Variants in CDYL observed in about 807,000 individuals in gnomAD.
CDYL encodes chromodomain Y like.
A neutral mutation model predicts 47.3 loss-of-function variants in CDYL; 8 were observed. That is an observed-to-expected ratio of 0.17 (90% CI 0.10 to 0.31). The LOEUF (loss-of-function observed/expected upper bound fraction) is 0.31, where lower values mean the gene tolerates loss of function less well. Ranked by LOEUF, CDYL falls within the 10% of genes least tolerant of loss-of-function variation. CDYL has a pLI of 1.00. For synonymous variants in CDYL, 266 were observed against 265.0 expected, an observed-to-expected ratio of 1.00 and a Z score of -0.04; for missense variants, 471 against 701.4, an observed-to-expected ratio of 0.67 and a Z score of 3.71.
chr6:4,915,536 T>C (rs181232645), intron 2 of CDYL, among the ~76,000 whole-genome samples: 17 of 152,272 alleles, frequency 1.1e-4, no homozygotes, highest in African/African-American at 3.8e-4. Context: ...CTTTGGAGTT[T>C]AGACACAACT....
chr6:4,739,711 T>C (rs1757763136), intron 3 of CDYL, among the ~76,000 whole-genome samples: 2 of 151,788 alleles, frequency 1.3e-5, no homozygotes, highest in South Asian at 4.2e-4. Context: ...CCCAGAACTT[T>C]GGGAGGTGAG....
chr6:4,742,983 T>C (rs1381860975), intron 3 of CDYL, among the ~76,000 whole-genome samples: 1 of 152,206 alleles, frequency 6.6e-6, no homozygotes, highest in Non-Finnish European at 1.5e-5. Context: ...CCAATCTCTT[T>C]GCTTCCAGTC....
intron 2 of CDYL, among the ~76,000 whole-genome samples, chr6:4,926,066 G>A (rs1434977502): frequency 2.6e-5 from 4 of 152,146 alleles, no homozygotes; most frequent in African/African-American, 9.7e-5. Flanking sequence ...ACTAGAATTA[G>A]ACTAGCCTTT....
At chr6:4,840,692 G>A (rs12196048) in intron 1 of CDYL, among the ~76,000 whole-genome samples, 15 of 152,034 alleles carry the variant, frequency 9.9e-5, no homozygotes, top group Non-Finnish European at 2.1e-4. Flanking sequence ...TTTATGTGAT[G>A]ACAACATTGA....
intron 1 of CDYL, among the ~76,000 whole-genome samples, chr6:4,831,461 A>C (rs1486478332): frequency 6.6e-6 from 1 of 152,196 alleles, no homozygotes; most frequent in Non-Finnish European, 1.5e-5. Context: ...TACCAGTACC[A>C]TGCTGTTTTG....
chr6:4,923,681 C>T (rs1757781476), intron 2 of CDYL, among the ~76,000 whole-genome samples: 1 of 152,098 alleles, frequency 6.6e-6, no homozygotes, highest in South Asian at 2.1e-4. Context: ...TTCCTACTGA[C>T]AGTGGATAAG....
intron 1 of CDYL, among the ~76,000 whole-genome samples, chr6:4,866,290 C>T (rs1484156583): frequency 6.6e-6 from 1 of 151,920 alleles, no homozygotes; most frequent in Admixed American, 6.6e-5. Flanking sequence ...AAGAGAAGAA[C>T]AGAAAATAAT....
At chr6:4,710,730 C>T (rs1301449707) in intron 1 of CDYL, among the ~76,000 whole-genome samples, 3 of 152,148 alleles carry the variant, frequency 2.0e-5, no homozygotes, top group Non-Finnish European at 2.9e-5. Context: ...GGATGTTTCC[C>T]TTCTCCCCTC....
intron 5 of CDYL, among the ~76,000 whole-genome samples, chr6:4,949,656 A>G (rs917761102): frequency 2.0e-5 from 3 of 152,178 alleles, no homozygotes; most frequent in South Asian, 2.1e-4. Flanking sequence ...TCAGGTTCCC[A>G]CCGCCTGCAT....
At chr6:4,793,267 G>A (rs1259752942) in intron 1 of CDYL, among the ~76,000 whole-genome samples, 3 of 152,198 alleles carry the variant, frequency 2.0e-5, no homozygotes, top group Non-Finnish European at 4.4e-5. Flanking sequence ...GGGCATGACC[G>A]CTCAGCCACT....
At chr6:4,722,413 T>TA (rs1376327813) in intron 2 of CDYL, among the ~76,000 whole-genome samples, 3 of 152,044 alleles carry the variant, frequency 2.0e-5, no homozygotes, top group Non-Finnish European at 2.9e-5. Context: ...AGAAAAAATT[T>TA]AAAAAAACAC....
At chr6:4,894,906 C>CACACACGTGTAT (rs1561692406) in intron 2 of CDYL, among the ~76,000 whole-genome samples, 1 of 137,286 alleles carries the variant, frequency 7.3e-6, no homozygotes, top group African/African-American at 2.9e-5. Flanking sequence ...TACACACGTA[C>CACACACGTGTAT]GTGTGTATAT....
chr6:4,732,652 G>C (rs1757625290), intron 2 of CDYL, among the ~76,000 whole-genome samples: 1 of 125,928 alleles, frequency 7.9e-6, no homozygotes, highest in African/African-American at 3.0e-5. Context: ...AACAGAGAGA[G>C]ATCCTGTTTT....
intron 3 of CDYL, among the ~76,000 whole-genome samples, chr6:4,745,835 G>A (rs1351698581): frequency 6.6e-6 from 1 of 152,196 alleles, no homozygotes; most frequent in Non-Finnish European, 1.5e-5. Flanking sequence ...AGCTTGCCAA[G>A]TGTGGGCAGA....
upstream of CDYL, among the ~76,000 whole-genome samples, chr6:4,774,344 A>G (rs9689911): frequency 0.22 from 33,477 of 152,168 alleles, 5,437 homozygotes; most frequent in African/African-American, 0.45. Flanking sequence ...AATGTATAAA[A>G]TCCTAGTCCT....
intron 1 of CDYL, among the ~76,000 whole-genome samples, chr6:4,887,418 GT>G (rs917706573): frequency 8.0e-5 from 12 of 150,932 alleles, no homozygotes; most frequent in Admixed American, 1.3e-4. Context: ...TTTTATTCCT[GT>G]TTTTTTTCTT....
intron 1 of CDYL, among the ~76,000 whole-genome samples, chr6:4,836,882 A>G (rs1760331122): frequency 6.6e-6 from 1 of 152,202 alleles, no homozygotes; most frequent in South Asian, 2.1e-4. Context: ...TTGGGGATAC[A>G]GAAGTTTGAT....
Position 4,891,932 on chromosome 6 carries a change from C to G in CDYL, c.244C>G (p.Gln82Glu), listed in dbSNP as rs1762054526. 6.2e-7 allele frequency: 1 copy of G among 1,614,156 alleles called. No individual in the cohort carries two copies. ...NRTSPNNARK[Q>E]ISRSTNSNFS... ...GACCTCTCCCAACAATGCTAGGAAA[C>G]AAATCTCCAGATCCACCAACAGCAA... The change falls in exon 2 of 7, where the codon CAA (glutamine) becomes GAA (glutamate). Residue 82 changes from glutamine to glutamate, a missense_variant. Physicochemically the swap from Gln to Glu is conservative, Grantham distance 29. This residue lies in a region of CDYL where 311 missense variants were observed against 350.0 expected (regional missense o/e 0.89). Coordinates refer to ENST00000397588, the MANE Select transcript of CDYL (RefSeq NM_004824.4).
At chr6:4,720,854 T>C (rs1757355423) in intron 2 of CDYL, among the ~76,000 whole-genome samples, 1 of 152,212 alleles carries the variant, frequency 6.6e-6, no homozygotes, top group African/African-American at 2.4e-5. Flanking sequence ...TTCCTTCTCC[T>C]AGGTAGCCTA....
Sources: allele counts gnomAD v4.1 joint callset (sites outside exome capture counted in the v4.1 genomes callset), GRCh38; gene constraint gnomAD v4.1.1; regional missense constraint gnomAD v4.1.1; transcripts MANE v1.5; gene names NCBI Gene and HGNC (gene_info 2026-07-23, HGNC 2026-07-21).